UBASH3B: variants seen among roughly 807,000 people sequenced by gnomAD.
UBASH3B encodes the protein ubiquitin-associated and SH3 domain-containing protein B.
UBASH3B carries 37 observed loss-of-function variants against 83.4 expected under a neutral mutation model. That is an observed-to-expected ratio of 0.44 (90% CI 0.34 to 0.58). The LOEUF (loss-of-function observed/expected upper bound fraction) is 0.58. UBASH3B is among the 20% of genes least tolerant of loss of function. UBASH3B has a pLI of 0.01. For missense variants in UBASH3B, 657 were observed against 827.2 expected (o/e 0.79, Z 2.52); for synonymous variants, 304 against 318.3 (o/e 0.96, Z 0.48).
intron 1 of UBASH3B, among the ~76,000 whole-genome samples, chr11:122,703,305 T>C (rs921321108): frequency 4.6e-5 from 7 of 151,920 alleles, no homozygotes; most frequent in African/African-American, 1.7e-4. Flanking sequence ...TGGGTGCCTG[T>C]AGTCCCAGCT....
chr11:122,686,705 C>T (rs1343360889), intron 1 of UBASH3B, among the ~76,000 whole-genome samples: 3 of 152,070 alleles, frequency 2.0e-5, no homozygotes, highest in Non-Finnish European at 1.5e-5. Context: ...CCTACCCTAC[C>T]ACAAATGCCT....
intron 1 of UBASH3B, among the ~76,000 whole-genome samples, chr11:122,771,928 T>C (rs1049173411): frequency 1.3e-5 from 2 of 152,192 alleles, no homozygotes; most frequent in African/African-American, 4.8e-5. Flanking sequence ...CTGTTCCACA[T>C]TGATTTTCGC....
intron 13 of UBASH3B, among the ~76,000 whole-genome samples, chr11:122,809,109 C>T (rs754618877): frequency 6.6e-6 from 1 of 151,502 alleles, no homozygotes; most frequent in Non-Finnish European, 1.5e-5. Context: ...GAGCCTTGCT[C>T]TGTCACCCAG....
At chr11:122,766,757 A>G (rs1392717921) in intron 1 of UBASH3B, among the ~76,000 whole-genome samples, 1 of 152,138 alleles carries the variant, frequency 6.6e-6, no homozygotes, top group Non-Finnish European at 1.5e-5. Context: ...ATAAATACAT[A>G]AAAATAAATA....
chr11:122,736,643 A>C (rs528895463), intron 1 of UBASH3B, among the ~76,000 whole-genome samples: 1 of 152,238 alleles, frequency 6.6e-6, no homozygotes, highest in South Asian at 2.1e-4. Flanking sequence ...CAACAGGCTA[A>C]CACGCACACA....
chr11:122,807,436 T>C (rs1861360961), intron 12 of UBASH3B, among the ~76,000 whole-genome samples: 1 of 152,220 alleles, frequency 6.6e-6, no homozygotes, highest in Admixed American at 6.5e-5. Flanking sequence ...TTCCTGGGTT[T>C]GATACTGTAC....
Position 122,776,211 on chromosome 11 carries a change from T to C in UBASH3B, c.162-8T>C. 3 of 1,610,778 alleles carry C rather than the reference T, an allele frequency of 1.9e-6. No individual in the cohort carries two copies. The highest frequency in any genetic ancestry group is 1.7e-6 in the Non-Finnish European group (2 of 1,178,666). On this transcript the variant is annotated splice_polypyrimidine_tract_variant and splice_region_variant and intron_variant, in intron 1 of 13. Transcript: ENST00000284273. ...TATTAACAATAGAAATTTGATTTCT[T>C]CTTTCAGACAAAAAGCCTTGGCATC...
chr11:122,681,179 TA>T (rs1863733475), intron 1 of UBASH3B, among the ~76,000 whole-genome samples: 1 of 152,248 alleles, frequency 6.6e-6, no homozygotes, highest in Non-Finnish European at 1.5e-5. Context: ...AATAGTTACT[TA>T]AAAGCATAAT....
intron 1 of UBASH3B, among the ~76,000 whole-genome samples, chr11:122,766,871 C>T (rs1275252642): frequency 6.6e-6 from 1 of 152,288 alleles, no homozygotes; most frequent in South Asian, 2.1e-4. Context: ...CTCAGTTGTG[C>T]TTCTACTCTC....
At chr11:122,689,407 T>C (rs925230591) in intron 1 of UBASH3B, among the ~76,000 whole-genome samples, 8 of 152,178 alleles carry the variant, frequency 5.3e-5, no homozygotes, top group Admixed American at 5.2e-4. Flanking sequence ...ATGAATATTC[T>C]TACACACGAA....
rs186872345 is a variant in UBASH3B at position 122,799,006 on chromosome 11, C to T, written c.1422C>T (p.Cys474=). The T allele has an allele frequency of 2.0e-5, 33 of 1,614,070 alleles. No homozygotes were observed. Among genetic ancestry groups the T allele is most frequent in the Admixed American group, 1.0e-4 (6 of 60,016 alleles). ...DHVYCSPSLR[C]VQTAHNILKG... is the part of the protein sequence containing the mutation. ...TCTATTGCTCCCCGTCCCTTCGCTG[C>T]GTTCAGACTGCACACAATATCTTGA... Residue 474 remains cysteine, a synonymous_variant, in exon 10 of 14, where the codon TGC becomes TGT. Transcript: ENST00000284273.
chr11:122,782,795 G>T, intron 4 of UBASH3B: 1 of 397,082 alleles, frequency 2.5e-6, no homozygotes. Flanking sequence ...TTAACTAAAA[G>T]GACTGCCCTC....
intron 1 of UBASH3B, among the ~76,000 whole-genome samples, chr11:122,746,051 A>T (rs999086586): frequency 6.6e-6 from 1 of 152,100 alleles, no homozygotes; most frequent in Admixed American, 6.5e-5. Flanking sequence ...TGTGGGATGG[A>T]TGAACGGATG....
chr11:122,662,963 C>T (rs898383917), intron 1 of UBASH3B, among the ~76,000 whole-genome samples: 3 of 147,304 alleles, frequency 2.0e-5, no homozygotes, highest in African/African-American at 5.1e-5. Context: ...CCCTCTTACG[C>T]GCTAATGTCT....
intron 3 of UBASH3B, 54 bp downstream of exon 3, chr11:122,777,264 G>A: frequency 6.5e-7 from 1 of 1,547,290 alleles, no homozygotes; most frequent in Admixed American, 1.9e-5. Flanking sequence ...ATCCCAGCCG[G>A]CCCTTTGGGA....
chr11:122,734,812 G>A (rs12787197), intron 1 of UBASH3B, among the ~76,000 whole-genome samples: 45,442 of 146,894 alleles, frequency 0.31, 8,292 homozygotes, highest in Middle Eastern at 0.47. Context: ...AAAAAAAAAA[G>A]AAAAAGAAAA....
intron 1 of UBASH3B, among the ~76,000 whole-genome samples, chr11:122,690,212 AAT>A (rs1491477490): frequency 5.9e-3 from 128 of 21,634 alleles, no homozygotes; most frequent in African/African-American, 0.015. Flanking sequence ...ATATATATCC[AAT>A]TATATATATA....
At chr11:122,716,690 G>A (rs1336780386) in intron 1 of UBASH3B, among the ~76,000 whole-genome samples, 1 of 152,196 alleles carries the variant, frequency 6.6e-6, no homozygotes, top group Non-Finnish European at 1.5e-5. Flanking sequence ...TTGCAGACAT[G>A]TCCTTTCTCC....
chr11:122,689,853 A>C (rs2135917758), intron 1 of UBASH3B, among the ~76,000 whole-genome samples: 1 of 152,202 alleles, frequency 6.6e-6, no homozygotes, highest in African/African-American at 2.4e-5. Flanking sequence ...TTTACTATAA[A>C]GGATATTGCA....
Sources: gnomAD v4.1 joint callset for allele counts (sites outside exome capture counted in the v4.1 genomes callset) on GRCh38, gnomAD v4.1.1 for gene constraint, MANE v1.5 for transcripts, NCBI Gene and HGNC (gene_info 2026-07-23, HGNC 2026-07-21) for gene names.